The following CAPN1 variants were observed in gnomAD, a reference collection of about 807,000 sequenced individuals.
CAPN1 encodes the protein calpain 1.
In CAPN1, 77 loss-of-function variants were observed where a neutral mutation model predicts 105.2. The ratio of observed to expected loss-of-function variants is 0.73; its 90% CI spans 0.61 to 0.88. CAPN1 has a LOEUF of 0.88. Ranked by LOEUF, CAPN1 falls within the 40% of genes least tolerant of loss-of-function variation. CAPN1 has a pLI of 0.00. For missense variants in CAPN1, 833 were observed against 976.6 expected (o/e 0.85, Z 1.96); for synonymous variants, 355 against 388.8 (o/e 0.91, Z 1.02).
chr11:65,187,810 T>C (rs963760134), intron 7 of CAPN1, 145 bp from the exon 8 acceptor site: 5 of 604,224 alleles, frequency 8.3e-6, no homozygotes, highest in African/African-American at 7.6e-5. Flanking sequence ...TTGAATTGCT[T>C]GAACCCAGGA....
At chr11:65,202,025 A>G (rs1392800126) in intron 10 of CAPN1, among the ~76,000 whole-genome samples, 3 of 148,054 alleles carry the variant, frequency 2.0e-5, no homozygotes, top group African/African-American at 5.0e-5. Context: ...GGGTTTTACC[A>G]TGTTGGCCAG....
At chr11:65,190,715 TTTG>T (rs1202927969) in intron 10 of CAPN1, among the ~76,000 whole-genome samples, 2 of 67,614 alleles carry the variant, frequency 3.0e-5, no homozygotes, top group African/African-American at 7.7e-5. Flanking sequence ...TTTTTTTGTT[TTTG>T]TTTTTGTTTT....
chr11:65,206,304 A>G, intron 12 of CAPN1, 159 bp from the exon 13 acceptor site: 2 of 623,314 alleles, frequency 3.2e-6, no homozygotes, highest in Non-Finnish European at 5.7e-6. Context: ...AAACTGAGGC[A>G]AAATGTCTTG....
chr11:65,207,909 A>G (rs1412929731), intron 14 of CAPN1, 146 bp from the exon 15 acceptor site: 2 of 525,054 alleles, frequency 3.8e-6, no homozygotes, highest in Non-Finnish European at 6.4e-6. Context: ...GTGAAACTCC[A>G]TCTCAAAAAG....
At chr11:65,190,855 G>A (rs768279965) in intron 10 of CAPN1, among the ~76,000 whole-genome samples, 7 of 152,130 alleles carry the variant, frequency 4.6e-5, no homozygotes, top group Non-Finnish European at 8.8e-5. Flanking sequence ...TGTGATTACA[G>A]GTGCCCGCCA....
chr11:65,184,359 G>C (rs1392985738), intron 4 of CAPN1, among the ~76,000 whole-genome samples: 2 of 152,114 alleles, frequency 1.3e-5, no homozygotes, highest in Admixed American at 1.3e-4. Context: ...CTGCAGGGGC[G>C]CAGTCTCGCC....
At chr11:65,202,601 G>A (rs1007652043) in intron 10 of CAPN1, among the ~76,000 whole-genome samples, 3 of 151,364 alleles carry the variant, frequency 2.0e-5, no homozygotes, top group Admixed American at 6.6e-5. Flanking sequence ...TGCCACCATG[G>A]CCACCTAATT....
intron 10 of CAPN1, among the ~76,000 whole-genome samples, chr11:65,195,584 C>T (rs1292584663): frequency 6.6e-6 from 1 of 152,066 alleles, no homozygotes; most frequent in Non-Finnish European, 1.5e-5. Flanking sequence ...GGATAAATCC[C>T]ACTTCATCAT....
rs372315744 is a variant in CAPN1 at position 65,204,868 on chromosome 11, G to T, written c.1341+10G>T. The stretch of plus-strand genomic sequence containing the variant: ...CTTCGCGGTCTACGAGGTCAGGAGG[G>T]TGGATCACCGGTGGATCTCACTGAG... On this transcript the variant is annotated intron_variant, in intron 11 of 21. Coordinates refer to ENST00000279247, the MANE Select transcript of CAPN1 (RefSeq NM_005186.4). 5.6e-6 allele frequency: 9 copies of T among 1,597,736 alleles called. No homozygotes were observed. In the African/African-American group the frequency reaches 1.1e-4, roughly 19 times the overall value.
chr11:65,185,193 G>T (rs1948614418), intron 4 of CAPN1, among the ~76,000 whole-genome samples: 1 of 152,010 alleles, frequency 6.6e-6, no homozygotes, highest in African/African-American at 2.4e-5. Context: ...GTTCACCCCA[G>T]CCCCACAATG....
chr11:65,192,559 T>C (rs1395101695), intron 10 of CAPN1, among the ~76,000 whole-genome samples: 2 of 152,236 alleles, frequency 1.3e-5, no homozygotes, highest in African/African-American at 4.8e-5. Context: ...TTAAAGGTTA[T>C]AGAATTGTTC....
chr11:65,195,199 T>TC (rs1479631142), intron 10 of CAPN1, among the ~76,000 whole-genome samples: 1 of 145,220 alleles, frequency 6.9e-6, no homozygotes, highest in African/African-American at 2.6e-5. Flanking sequence ...AACCTCTGCC[T>TC]CCCAGGTTCA....
intron 12 of CAPN1, 121 bp from the exon 13 acceptor site, chr11:65,206,342 C>T (rs772402050): frequency 1.4e-6 from 1 of 736,462 alleles, no homozygotes; most frequent in Non-Finnish European, 2.3e-6. Flanking sequence ...GTGAGTGAGC[C>T]ATGCCCCAGC....
intron 10 of CAPN1, among the ~76,000 whole-genome samples, chr11:65,199,922 C>T (rs189541259): frequency 4.9e-4 from 75 of 152,262 alleles, no homozygotes; most frequent in Admixed American, 3.3e-3. Context: ...TCAGTTATCA[C>T]GCCTTGTTTG....
intron 10 of CAPN1, among the ~76,000 whole-genome samples, chr11:65,196,806 A>G (rs532971552): frequency 6.6e-6 from 1 of 152,344 alleles, no homozygotes; most frequent in East Asian, 1.9e-4. Flanking sequence ...TGTGACCTAC[A>G]TAAGATCATA....
chr11:65,209,420 G>A lies in CAPN1; in HGVS notation c.1794+33G>A, dbSNP rs1949011112. The A allele has an allele frequency of 4.4e-6, 7 of 1,585,752 alleles. No individual in the cohort carries two copies. Among genetic ancestry groups the A allele is most frequent in the Non-Finnish European group, 6.1e-6 (7 of 1,156,842 alleles). On this transcript the variant is annotated intron_variant, in intron 17 of 21. Transcript: ENST00000279247. This position sits in a 1 kb window ranked among gnomAD's most constrained non-coding sequence, Gnocchi z 4.1. ...TCCGTTTGCTTTTGTCTCCTGAGTG[G>A]GGTTTTGGGTGGAGGTATCGGTGCT...
chr11:65,181,511 G>C (rs953950894), upstream of CAPN1: 1 of 309,700 alleles, frequency 3.2e-6, no homozygotes, highest in Non-Finnish European at 6.3e-6. This position sits in a 1 kb window ranked among gnomAD's most constrained non-coding sequence, Gnocchi z 4.6. Context: ...GGGGCTGCGG[G>C]AGGCGGCGCC....
intron 10 of CAPN1, among the ~76,000 whole-genome samples, chr11:65,199,073 G>C (rs968439654): frequency 2.0e-5 from 3 of 152,126 alleles, no homozygotes; most frequent in African/African-American, 7.2e-5. Flanking sequence ...GGCCTCAAGT[G>C]ATCCACCCTC....
At chr11:65,197,888 G>A (rs374287648) in intron 10 of CAPN1, among the ~76,000 whole-genome samples, 78 of 83,428 alleles carry the variant, frequency 9.3e-4, no homozygotes, top group East Asian at 2.2e-3. Context: ...AACTCTATCT[G>A]AAAAAAAAAA....
Sources: allele counts gnomAD v4.1 joint callset (sites outside exome capture counted in the v4.1 genomes callset), GRCh38; gene constraint gnomAD v4.1.1; non-coding constraint Gnocchi (gnomAD v3.1); transcripts MANE v1.5; gene names NCBI Gene and HGNC (gene_info 2026-07-23, HGNC 2026-07-21).